Variants in IL1RAPL2 observed in about 807,000 individuals in gnomAD.
The protein encoded by IL1RAPL2 is interleukin 1 receptor accessory protein like 2.
IL1RAPL2 carries 3 observed loss-of-function variants against 44.1 expected under a neutral mutation model. That is an observed-to-expected ratio of 0.07 (90% CI 0.03 to 0.18). The LOEUF is 0.18. Ranked by LOEUF, IL1RAPL2 falls within the 10% of genes least tolerant of loss-of-function variation. The probability of loss-of-function intolerance (pLI) is 1.00; values close to 1 mark genes in which losing one functional copy is unlikely to be tolerated. For missense variants in IL1RAPL2, 391 were observed against 496.4 expected (o/e 0.79, Z 2.02); for synonymous variants, 181 against 178.8 (o/e 1.01, Z -0.10).
At chrX:104,969,472 G>C (rs1173849705) in intron 2 of IL1RAPL2, among the ~76,000 whole-genome samples, 2 of 110,906 alleles carry the variant, frequency 1.8e-5, no homozygotes, top group African/African-American at 3.3e-5. Flanking sequence ...TCTTTGAAAG[G>C]TTTTATAACA....
chrX:104,619,746 G>T (rs1025570173), intron 1 of IL1RAPL2, among the ~76,000 whole-genome samples: 8 of 112,206 alleles, frequency 7.1e-5, no homozygotes, highest in Admixed American at 9.5e-5. Context: ...CAACATTTAT[G>T]TATATAATAC....
chrX:104,624,469 C>T (rs1212853024), intron 1 of IL1RAPL2, among the ~76,000 whole-genome samples: 1 of 111,310 alleles, frequency 9.0e-6, no homozygotes, highest in East Asian at 2.8e-4. Flanking sequence ...GATGATCTAT[C>T]TAATTCATAT....
At chrX:104,665,962 TACTG>T (rs1930481256) in intron 2 of IL1RAPL2, among the ~76,000 whole-genome samples, 1 of 111,684 alleles carries the variant, frequency 9.0e-6, no homozygotes, top group Admixed American at 9.6e-5. Context: ...TTTGAAATGA[TACTG>T]ACAAATTGCC....
At chrX:105,251,325 G>A (rs2034267078) in intron 4 of IL1RAPL2, among the ~76,000 whole-genome samples, 1 of 109,983 alleles carries the variant, frequency 9.1e-6, no homozygotes, top group African/African-American at 3.3e-5. Flanking sequence ...CAAAATGCTT[G>A]GAGATTTTGA....
At chrX:104,908,392 C>G (rs1427443849) in intron 2 of IL1RAPL2, among the ~76,000 whole-genome samples, 1 of 111,471 alleles carries the variant, frequency 9.0e-6, no homozygotes, top group Non-Finnish European at 1.9e-5. Flanking sequence ...CAGTTTCTTC[C>G]TAGTCTCTAT....
At chrX:104,861,450 G>A (rs1287091424) in intron 2 of IL1RAPL2, among the ~76,000 whole-genome samples, 1 of 111,307 alleles carries the variant, frequency 9.0e-6, no homozygotes, top group African/African-American at 3.3e-5. Flanking sequence ...CTCAACTTAT[G>A]AGGGTTCAAA....
chrX:105,725,883 C>T (rs1295774973), intron 7 of IL1RAPL2, among the ~76,000 whole-genome samples: 3 of 111,902 alleles, frequency 2.7e-5, no homozygotes, highest in Non-Finnish European at 5.6e-5. Context: ...AATCTCATCA[C>T]ACCTGTATGT....
At chrX:104,901,395 T>A (rs1244216935) in intron 2 of IL1RAPL2, among the ~76,000 whole-genome samples, 1 of 107,789 alleles carries the variant, frequency 9.3e-6, no homozygotes, top group Non-Finnish European at 1.9e-5. Flanking sequence ...GTATTTTTAG[T>A]AGAGACGGGG....
chrX:104,915,810 A>C (rs1349192729), intron 2 of IL1RAPL2, among the ~76,000 whole-genome samples: 1 of 111,850 alleles, frequency 8.9e-6, no homozygotes, highest in Non-Finnish European at 1.9e-5. Context: ...TCCCAGCACC[A>C]TTTATTAAAT....
chrX:104,732,986 T>G (rs1251769017), intron 2 of IL1RAPL2, among the ~76,000 whole-genome samples: 1 of 111,943 alleles, frequency 8.9e-6, no homozygotes, highest in Non-Finnish European at 1.9e-5. Context: ...TTTAAAAAAT[T>G]ATTTAATGTC....
chrX:104,909,924 G>C (rs1014056270), intron 2 of IL1RAPL2, among the ~76,000 whole-genome samples: 2 of 112,389 alleles, frequency 1.8e-5, no homozygotes, highest in Admixed American at 1.9e-4. Flanking sequence ...AAGCAAGCCT[G>C]GGTAATGGTG....
chrX:105,074,662 C>T (rs749462314), intron 2 of IL1RAPL2, among the ~76,000 whole-genome samples: 13 of 106,108 alleles, frequency 1.2e-4, no homozygotes, highest in African/African-American at 3.8e-4. Flanking sequence ...ATTGATTCTT[C>T]CTACCCATGA....
intron 2 of IL1RAPL2, among the ~76,000 whole-genome samples, chrX:104,675,335 T>A (rs1380177374): frequency 2.7e-5 from 3 of 111,964 alleles, no homozygotes; most frequent in Non-Finnish European, 3.8e-5. Flanking sequence ...CATCTTTATT[T>A]CTGCCTTCAT....
chrX:105,548,079 A>G (rs1341049627), intron 6 of IL1RAPL2, among the ~76,000 whole-genome samples: 1 of 111,665 alleles, frequency 9.0e-6, no homozygotes, highest in Non-Finnish European at 1.9e-5. Context: ...TTTTTCATCC[A>G]AGCACACAGC....
At chrX:104,807,665 T>C (rs1217136303) in intron 2 of IL1RAPL2, among the ~76,000 whole-genome samples, 1 of 111,568 alleles carries the variant, frequency 9.0e-6, no homozygotes, top group Non-Finnish European at 1.9e-5. Context: ...TCCTTCCAGA[T>C]CTTTACCCAT....
At chrX:105,604,574 A>G (rs944284636) in intron 6 of IL1RAPL2, among the ~76,000 whole-genome samples, 1 of 111,362 alleles carries the variant, frequency 9.0e-6, no homozygotes, top group Non-Finnish European at 1.9e-5. Context: ...ATTTTACCAA[A>G]CTTTCATAGA....
chrX:105,456,160 A>G (rs779901269), intron 5 of IL1RAPL2, among the ~76,000 whole-genome samples: 2 of 112,131 alleles, frequency 1.8e-5, no homozygotes, highest in Non-Finnish European at 3.8e-5. Context: ...TGATTTTTGT[A>G]CATTGATTTT....
intron 5 of IL1RAPL2, among the ~76,000 whole-genome samples, chrX:105,446,803 C>T (rs2035958019): frequency 9.3e-6 from 1 of 107,738 alleles, no homozygotes; most frequent in Non-Finnish European, 1.9e-5. Flanking sequence ...AGTCTTTCTA[C>T]TTAAGTGAAG....
At chrX:104,588,066 C>T (rs1928596118) in intron 1 of IL1RAPL2, among the ~76,000 whole-genome samples, 1 of 111,455 alleles carries the variant, frequency 9.0e-6, no homozygotes, top group African/African-American at 3.3e-5. Flanking sequence ...GAATTTTGAA[C>T]CCTCATTTGT....
Sources: allele counts gnomAD v4.1 joint callset (sites outside exome capture counted in the v4.1 genomes callset), GRCh38; gene constraint gnomAD v4.1.1; transcripts MANE v1.5; gene names NCBI Gene and HGNC (gene_info 2026-07-23, HGNC 2026-07-21).